NPR3: variants seen among roughly 807,000 people sequenced by gnomAD.
NPR3 encodes the protein atrial natriuretic peptide receptor 3.
Under a neutral mutation model 54.5 loss-of-function variants are expected in NPR3, and 34 were observed. The ratio of observed to expected loss-of-function variants is 0.62; its 90% CI spans 0.47 to 0.83. NPR3 has a LOEUF of 0.83. NPR3 is among the 40% of genes least tolerant of loss of function. The pLI, the probability that NPR3 is intolerant of heterozygous loss-of-function variation, is 0.00. For synonymous variants in NPR3, 289 were observed against 297.1 expected, an observed-to-expected ratio of 0.97 and a Z score of 0.28; for missense variants, 674 against 720.8, an observed-to-expected ratio of 0.94 and a Z score of 0.74.
intron 3 of NPR3, among the ~76,000 whole-genome samples, chr5:32,746,684 A>G (rs989948151): frequency 5.9e-5 from 9 of 152,180 alleles, no homozygotes; most frequent in African/African-American, 2.2e-4. Flanking sequence ...TTAAGAGTAG[A>G]CTTAAATTTG....
chr5:32,761,148 T>C (rs985602036), intron 3 of NPR3, among the ~76,000 whole-genome samples: 1 of 152,082 alleles, frequency 6.6e-6, no homozygotes, highest in African/African-American at 2.4e-5. Context: ...CTACTGTAAG[T>C]TTTTTCCTTT....
At chr5:32,758,296 T>C (rs1411113380) in intron 3 of NPR3, among the ~76,000 whole-genome samples, 3 of 152,220 alleles carry the variant, frequency 2.0e-5, no homozygotes, top group Non-Finnish European at 4.4e-5. Flanking sequence ...TATTGGTCTA[T>C]TCAGGGATTC....
chr5:32,710,894 ATG>A (rs34939454), upstream of NPR3: 42,322 of 495,116 alleles, frequency 0.085, 1,318 homozygotes, highest in Admixed American at 0.14. Context: ...GTGTGTGTAT[ATG>A]TGTGTGTGTG....
intron 3 of NPR3, among the ~76,000 whole-genome samples, chr5:32,761,832 A>C (rs1741181415): frequency 6.6e-6 from 1 of 151,666 alleles, no homozygotes; most frequent in Non-Finnish European, 1.5e-5. Flanking sequence ...TGGGATACAT[A>C]TGCAGAATGT....
At chr5:32,755,164 G>A (rs1310157811) in intron 3 of NPR3, among the ~76,000 whole-genome samples, 1 of 152,186 alleles carries the variant, frequency 6.6e-6, no homozygotes, top group African/African-American at 2.4e-5. Context: ...CCGGCCAAGA[G>A]ATTTAATTTC....
intron 4 of NPR3, among the ~76,000 whole-genome samples, chr5:32,779,773 A>C (rs1344898828): frequency 6.6e-6 from 1 of 152,210 alleles, no homozygotes; most frequent in African/African-American, 2.4e-5. Context: ...TTCTCTACCA[A>C]GAACAATTAT....
At chr5:32,750,190 G>A (rs1044696116) in intron 3 of NPR3, among the ~76,000 whole-genome samples, 3 of 152,240 alleles carry the variant, frequency 2.0e-5, no homozygotes, top group Non-Finnish European at 4.4e-5. Context: ...GTGCGGTGGC[G>A]CGATCTCGGC....
At chr5:32,708,784 A>T (rs1206250171), upstream of NPR3, among the ~76,000 whole-genome samples, 3 of 152,086 alleles carry the variant, frequency 2.0e-5, no homozygotes, top group African/African-American at 7.2e-5. Flanking sequence ...ATACACTTAC[A>T]TTACTTGGTG....
chr5:32,696,115 AGTTTCCCGT>A (rs1740526588), intron 1 of NPR3, among the ~76,000 whole-genome samples: 1 of 152,130 alleles, frequency 6.6e-6, no homozygotes, highest in South Asian at 2.1e-4. Context: ...TGTCCTGGAT[AGTTTCCCGT>A]GTTTTCTTGT....
At chr5:32,756,374 T>C (rs1740841480) in intron 3 of NPR3, among the ~76,000 whole-genome samples, 1 of 152,280 alleles carries the variant, frequency 6.6e-6, no homozygotes, top group Admixed American at 6.5e-5. Flanking sequence ...CATTTTTTCA[T>C]GTGTCTGTTG....
Position 32,711,567 on chromosome 5 carries a change from T to TTTTTCA in NPR3, c.-206_-205insCATTTT. The TTTTTCA allele has an allele frequency of 8.8e-7, 1 of 1,132,648 alleles. No individual in the cohort carries two copies. The highest frequency in any genetic ancestry group is 1.1e-6 in the Non-Finnish European group (1 of 912,728). The allele number at this position is 1,132,648 out of a possible 1,614,324, so 70.2% of individuals were successfully genotyped here. A position where few individuals can be genotyped will look rare whatever the true frequency, so the allele number is the denominator to read the frequency against. ...GGTGAACTTTTTCTTTTTCTTTTTCTTTTTTTTTTAAGAAAAACTAGTGAC... is the reference window on the plus strand; with the variant it reads ...GGTGAACTTTTTCTTTTTCTTTTTCTTTTTCATTTTTTTTTAAGAAAAACTAGTGAC... On this transcript the variant is annotated 5_prime_UTR_variant, in exon 1 of 8. Transcript: ENST00000265074.
At position 32,724,785 on chromosome 5, in the gene NPR3, T is replaced by C; in HGVS notation, c.857T>C (p.Phe286Ser). The change falls in exon 2 of 8, where the codon TTC becomes TCC. Residue 286 changes from phenylalanine (F) to serine (S), a missense_variant. Coordinates refer to ENST00000265074, the MANE Select transcript of NPR3 (RefSeq NM_001204375.2). The part of the protein sequence containing the change: ...RHGMTSGDYA[F>S]FNIELFNSSS... ...GGCATGACCAGTGGAGACTACGCCT[T>C]CTTCAACATTGAGCTCTTCAACAGC... 1 of 1,613,944 alleles carries C rather than the reference T, an allele frequency of 6.2e-7. No individual in the cohort carries two copies. Among genetic ancestry groups the C allele is most frequent in the Non-Finnish European group, 8.5e-7 (1 of 1,179,872 alleles).
chr5:32,698,134 A>T (rs1481564249), intron 1 of NPR3, among the ~76,000 whole-genome samples: 1 of 151,840 alleles, frequency 6.6e-6, no homozygotes, highest in Non-Finnish European at 1.5e-5. Context: ...ATAGCTATAG[A>T]CTTTCCTCTT....
chr5:32,790,101 G>A lies in NPR3; in HGVS notation c.*3756G>A, dbSNP rs981642076. On this transcript the variant is annotated 3_prime_UTR_variant, in exon 8 of 8. Transcript: ENST00000265074. ...TAATGAGCTGAATTTCTTATTCAGT[G>A]GAAAAAACTGAAACTGTCTAAAAAC... 13 of 185,738 alleles carry A rather than the reference G, an allele frequency of 7.0e-5. No homozygotes were observed. The highest frequency in any genetic ancestry group is 1.7e-4 in the Non-Finnish European group (13 of 78,472). 11.5% of individuals were successfully genotyped at this position (185,738 alleles called of 1,614,324 possible). A position where few individuals can be genotyped will look rare whatever the true frequency, so the allele number is the denominator to read the frequency against.
intron 3 of NPR3, among the ~76,000 whole-genome samples, chr5:32,771,098 T>C (rs1247472085): frequency 1.3e-5 from 2 of 152,160 alleles, no homozygotes; most frequent in Non-Finnish European, 2.9e-5. Context: ...ACGTCGAATT[T>C]TCAGTGTCTA....
In NPR3 at chr5:32,711,828, G is replaced by A; in HGVS notation, c.52G>A (p.Ala18Thr). Reference protein sequence around the residue: ...TFSPCVLLGWALLAGGTGGGG... With the variant: ...TFSPCVLLGWTLLAGGTGGGG... ...CTCCCCGTGCGTACTACTCGGCTGG[G>A]CGTTGCTGGCCGGCGGCACCGGTGG... is the stretch of plus-strand genomic sequence containing the variant. The change falls in exon 1 of 8, where the codon GCG becomes ACG. Residue 18 changes from alanine (A) to threonine (T), a missense_variant. Coordinates refer to ENST00000265074, the MANE Select transcript of NPR3 (RefSeq NM_001204375.2). 1 of 1,459,380 alleles carries A rather than the reference G, an allele frequency of 6.9e-7. No homozygotes were observed. Among genetic ancestry groups the A allele is most frequent in the Non-Finnish European group, 9.0e-7 (1 of 1,107,298 alleles). 90.4% of individuals were successfully genotyped at this position (1,459,380 alleles called of 1,614,324 possible).
chr5:32,711,688 G>A lies in NPR3; in HGVS notation c.-89G>A. 2 of 1,359,598 alleles carry A rather than the reference G, an allele frequency of 1.5e-6. No individual in the cohort carries two copies. The highest frequency in any genetic ancestry group is 1.9e-6 in the Non-Finnish European group (2 of 1,059,326). 84.2% of individuals were successfully genotyped at this position (1,359,598 alleles called of 1,614,324 possible). A position where few individuals can be genotyped will look rare whatever the true frequency, so the allele number is the denominator to read the frequency against. On this transcript the variant is annotated 5_prime_UTR_variant, in exon 1 of 8. Transcript: ENST00000265074. ...CGCCCAAGGGGGCGCAGGGACCTTGGAGAGAAGAGTGGGGAGGAAAGAGGA... is the reference window on the plus strand; with the variant it reads ...CGCCCAAGGGGGCGCAGGGACCTTGAAGAGAAGAGTGGGGAGGAAAGAGGA...
chr5:32,746,066 C>T (rs924017283), intron 3 of NPR3, among the ~76,000 whole-genome samples: 8 of 152,152 alleles, frequency 5.3e-5, no homozygotes, highest in Admixed American at 1.3e-4. Flanking sequence ...CACTCTGACA[C>T]GCTGGTGATA....
intron 3 of NPR3, among the ~76,000 whole-genome samples, chr5:32,764,615 C>T (rs1043645595): frequency 1.3e-5 from 2 of 151,604 alleles, no homozygotes; most frequent in Non-Finnish European, 2.9e-5. Context: ...TCGTGAAACC[C>T]TGTCTCTACC....
Sources: gnomAD v4.1 joint callset for allele counts (sites outside exome capture counted in the v4.1 genomes callset) on GRCh38, gnomAD v4.1.1 for gene constraint, MANE v1.5 for transcripts, NCBI Gene and HGNC (gene_info 2026-07-23, HGNC 2026-07-21) for gene names.